The following PKM variants were observed in gnomAD, a reference collection of about 807,000 sequenced individuals.
PKM encodes pyruvate kinase PKM.
In PKM, 18 loss-of-function variants were observed where a neutral mutation model predicts 49.8. The ratio of observed to expected loss-of-function variants is 0.36; its 90% CI spans 0.25 to 0.54. The LOEUF is 0.54. Among genes scored for constraint, PKM ranks in the 20% least tolerant of loss-of-function variants. PKM has a pLI of 0.89. For missense variants in PKM, 508 were observed against 713.8 expected (o/e 0.71, Z 3.28); for synonymous variants, 239 against 261.8 (o/e 0.91, Z 0.84).
intron 1 of PKM, 22 bp from the exon 2 acceptor site, chr15:72,219,132 G>A (rs377372537): frequency 2.5e-6 from 4 of 1,606,762 alleles, no homozygotes; most frequent in African/African-American, 1.3e-5. Flanking sequence ...CAAATTGAAA[G>A]AGAGTGGTAA....
rs550947920 is a variant in PKM at position 72,229,635 on chromosome 15, G to A, written c.-14+1481C>T. 5 of 1,260,866 alleles carry A rather than the reference G, an allele frequency of 4.0e-6. No individual in the cohort carries two copies. The South Asian group carries it at 5.0e-5, about 13-fold the overall frequency. The allele number at this position is 1,260,866 out of a possible 1,614,324, so 78.1% of individuals were successfully genotyped here. On this transcript the variant is annotated intron_variant, in intron 1 of 10. Transcript: ENST00000335181. ...TGCTTGCCACCTGGTGAGACCTTAC[G>A]AGGCTTCCTGTCCCCCTCCCTCCCA...
chr15:72,213,143 A>C (rs1226701534), intron 3 of PKM, among the ~76,000 whole-genome samples: 2 of 152,210 alleles, frequency 1.3e-5, no homozygotes, highest in Admixed American at 6.5e-5. Context: ...TTCTCCTAGA[A>C]TAAAATCTAC....
chr15:72,221,263 G>C (rs372407190), intron 1 of PKM: 4 of 1,534,586 alleles, frequency 2.6e-6, no homozygotes, highest in South Asian at 2.4e-5. Flanking sequence ...GCTCAGAGCT[G>C]AATACGGTGT....
intron 3 of PKM, 40 bp downstream of exon 3, chr15:72,217,369 C>T: frequency 8.4e-7 from 1 of 1,191,188 alleles, no homozygotes; most frequent in Non-Finnish European, 1.3e-6. Context: ...CTGTTTCCTA[C>T]AGGCCATCAC....
At chr15:72,223,557 G>A (rs1324410495) in intron 1 of PKM, among the ~76,000 whole-genome samples, 1 of 152,196 alleles carries the variant, frequency 6.6e-6, no homozygotes, top group Non-Finnish European at 1.5e-5. Context: ...ATCATGATAC[G>A]CTGGCATTCA....
At chr15:72,203,526 GGACTT>G (rs2081998333) in intron 8 of PKM, 1 of 355,186 alleles carries the variant, frequency 2.8e-6, no homozygotes, top group Non-Finnish European at 5.3e-6. Flanking sequence ...CCCTGGCAGA[GGACTT>G]GACCACGCTG....
intron 1 of PKM, among the ~76,000 whole-genome samples, chr15:72,229,353 G>A (rs8192353): frequency 0.018 from 2,747 of 152,274 alleles, 40 homozygotes; most frequent in South Asian, 0.047. Flanking sequence ...GGGAAACTGA[G>A]GTGTAGAGGC....
intron 2 of PKM, 102 bp from the exon 3 acceptor site, chr15:72,217,602 C>G (rs1191278371): frequency 1.3e-6 from 1 of 784,936 alleles, no homozygotes; most frequent in Non-Finnish European, 2.2e-6. Flanking sequence ...GAAAACTTTT[C>G]CTCTCCCAAA....
At chr15:72,214,794 CTAAATAAATAAA>C (rs60170895) in intron 3 of PKM, among the ~76,000 whole-genome samples, 6,810 of 151,646 alleles carry the variant, frequency 0.045, 250 homozygotes, top group East Asian at 0.16. Context: ...GACTCCCTCT[CTAAATAAATAAA>C]TAAATAAATA....
At chr15:72,218,831 T>A in intron 2 of PKM, 113 bp downstream of exon 2, 2 of 1,055,222 alleles carry the variant, frequency 1.9e-6, no homozygotes, top group Non-Finnish European at 2.9e-6. Flanking sequence ...TAAGAATCTG[T>A]GTAGTATCCC....
intron 3 of PKM, among the ~76,000 whole-genome samples, chr15:72,213,760 G>T (rs1029666567): frequency 3.9e-5 from 6 of 152,088 alleles, no homozygotes; most frequent in African/African-American, 1.4e-4. Flanking sequence ...ATGGCCACTG[G>T]TCTATTCATA....
At chr15:72,215,283 G>T (rs571040999) in intron 3 of PKM, among the ~76,000 whole-genome samples, 5 of 152,204 alleles carry the variant, frequency 3.3e-5, no homozygotes, top group Admixed American at 1.3e-4. Flanking sequence ...TAATCTCAAC[G>T]TTCTGCTCAG....
rs1182988649 is a variant in PKM at position 72,217,340 on chromosome 15, C to G, written c.246+69G>C. 2.5e-5 allele frequency: 24 copies of G among 950,516 alleles called. No homozygotes were observed. In the East Asian group the frequency reaches 5.7e-4, roughly 23 times the overall value. 58.9% of individuals were successfully genotyped at this position (950,516 alleles called of 1,614,324 possible). A position where few individuals can be genotyped will look rare whatever the true frequency, so the allele number is the denominator to read the frequency against. Reference sequence around the variant, plus strand: ...CCTTGTCTAGTCCACTGTGGCTAAACGAACACTGCACCCCCTCCCTGTTTC... The same window carrying G: ...CCTTGTCTAGTCCACTGTGGCTAAAGGAACACTGCACCCCCTCCCTGTTTC... On this transcript the variant is annotated intron_variant, in intron 3 of 10. Transcript: ENST00000335181.
intron 5 of PKM, 76 bp from the exon 6 acceptor site, chr15:72,208,967 A>G: frequency 6.8e-7 from 1 of 1,479,110 alleles, no homozygotes; most frequent in South Asian, 1.2e-5. Context: ...CTTTCCCGCA[A>G]GGACAGTGAG....
intron 1 of PKM, among the ~76,000 whole-genome samples, chr15:72,227,744 C>CAAAAAAAAAAAAAAAAAAA (rs34876633): frequency 9.3e-5 from 1 of 10,806 alleles, no homozygotes; most frequent in African/African-American, 2.9e-4. Context: ...AAAACTATCT[C>CAAAAAAAAAAAAAAAAAAA]AAAAAAAAAA....
At chr15:72,210,315 A>C in intron 4 of PKM, 32 bp downstream of exon 4, 3 of 1,610,054 alleles carry the variant, frequency 1.9e-6, no homozygotes, top group Non-Finnish European at 2.5e-6. Context: ...TTGCCTACTG[A>C]GCCTTCCCCT....
In PKM at chr15:72,208,820, C is replaced by T; in HGVS notation, c.637G>A (p.Gly213Arg). 6.2e-7 allele frequency: 1 copy of T among 1,614,182 alleles called. No individual in the cohort carries two copies. Among genetic ancestry groups the T allele is most frequent in the Non-Finnish European group, 8.5e-7 (1 of 1,180,036 alleles). ...ACAGCAGGCAAGTCCACAGCAGCCC[C>T]AGGAAGGTTCACACCCTTCTTGCTG... ...LGSKKGVNLP[G>R]AAVDLPAVSE... is the part of the protein sequence containing the mutation. Residue 213 changes from glycine (G) to arginine (R), a missense_variant, in exon 6 of 11, where the codon GGG becomes AGG. By Grantham distance (125) the Gly-to-Arg change is moderately radical (BLOSUM62 -2). Transcript: ENST00000335181.
chr15:72,205,908 G>A (rs2082065297), intron 8 of PKM, among the ~76,000 whole-genome samples: 1 of 152,190 alleles, frequency 6.6e-6, no homozygotes, highest in Non-Finnish European at 1.5e-5. Flanking sequence ...ACAGGGCAAA[G>A]GGACTGAGCC....
rs1046609299 is a variant in PKM, at chr15:72,231,173, C to T, written c.-71G>A. 4 of 284,228 alleles carry T rather than the reference C, an allele frequency of 1.4e-5. No individual in the cohort carries two copies. Among genetic ancestry groups the T allele is most frequent in the African/African-American group, 4.5e-5 (2 of 44,790 alleles). 17.6% of individuals were successfully genotyped at this position (284,228 alleles called of 1,614,324 possible). A position where few individuals can be genotyped will look rare whatever the true frequency, so the allele number is the denominator to read the frequency against. On this transcript the variant is annotated 5_prime_UTR_variant, in exon 1 of 11. Transcript: ENST00000335181. ...AAGACGAAGAGATCCGGAGCCACGGCGCGTGCAGCTGCTGTGCAAGGAGCC... is the reference window on the plus strand; with the variant it reads ...AAGACGAAGAGATCCGGAGCCACGGTGCGTGCAGCTGCTGTGCAAGGAGCC...
Sources: allele counts gnomAD v4.1 joint callset (sites outside exome capture counted in the v4.1 genomes callset), GRCh38; gene constraint gnomAD v4.1.1; transcripts MANE v1.5; gene names NCBI Gene and HGNC (gene_info 2026-07-23, HGNC 2026-07-21).